EDRF1: variants seen among roughly 807,000 people sequenced by gnomAD.
EDRF1 encodes erythroid differentiation regulatory factor 1.
A neutral mutation model predicts 148.7 loss-of-function variants in EDRF1; 69 were observed. That is an observed-to-expected ratio of 0.46 (90% confidence interval 0.38 to 0.57). EDRF1 has a LOEUF of 0.57. Ranked by LOEUF, EDRF1 falls within the 20% of genes least tolerant of loss-of-function variation. The pLI is 0.00. For synonymous variants in EDRF1, 515 were observed against 532.8 expected (o/e 0.97, Z 0.46); for missense variants, 1,118 against 1,478.7 (o/e 0.76, Z 4.00).
chr10:125,733,171 A>G (rs772570882), intron 9 of EDRF1, among the ~76,000 whole-genome samples: 1 of 152,196 alleles, frequency 6.6e-6, no homozygotes, highest in African/African-American at 2.4e-5. Flanking sequence ...TAAATCTGGT[A>G]GTGATTCTCC....
intron 13 of EDRF1, 58 bp from the exon 14 acceptor site, chr10:125,737,860 A>G (rs1306443515): frequency 1.3e-6 from 2 of 1,505,584 alleles, no homozygotes; most frequent in Non-Finnish European, 1.8e-6. Context: ...CAACAAAAAC[A>G]ATATGTTGAC....
At chr10:125,738,804 C>T (rs1029734218) in intron 15 of EDRF1, among the ~76,000 whole-genome samples, 2 of 152,164 alleles carry the variant, frequency 1.3e-5, no homozygotes, top group African/African-American at 2.4e-5. Context: ...TTCTTTGAGT[C>T]ACTTTTTATC....
intron 20 of EDRF1, 26 bp downstream of exon 20, chr10:125,747,720 A>G: frequency 6.2e-7 from 1 of 1,613,702 alleles, no homozygotes; most frequent in Non-Finnish European, 8.5e-7. Context: ...GGAGTATAAA[A>G]TAAGTTCTCA....
rs1305572469 is a variant in EDRF1 at position 125,736,000 on chromosome 10, AC to A, written c.1758+98del. On this transcript the variant is annotated intron_variant, in intron 13 of 24. Coordinates refer to ENST00000356792, the MANE Select transcript of EDRF1 (RefSeq NM_001202438.2). Reference sequence around the variant, plus strand: ...TCAAAAGATACCATTACTTCAATAAACCTTTCATGGTCTAGCATCTAGTAAT... The same window carrying A: ...TCAAAAGATACCATTACTTCAATAAACTTTCATGGTCTAGCATCTAGTAAT... 24 of 1,168,718 alleles carry A rather than the reference AC, an allele frequency of 2.1e-5. No individual in the cohort carries two copies. In the Admixed American group the frequency reaches 4.6e-4, roughly 23 times the overall value. 72.4% of individuals were successfully genotyped at this position (1,168,718 alleles called of 1,614,324 possible).
intron 17 of EDRF1, 58 bp from the exon 18 acceptor site, chr10:125,743,000 A>G: frequency 1.3e-6 from 2 of 1,594,648 alleles, no homozygotes; most frequent in Non-Finnish European, 8.5e-7. Flanking sequence ...GTTCATTTGG[A>G]TACTGAGGAA....
At position 125,734,144 on chromosome 10, in the gene EDRF1, T is replaced by G. The variant is rs761913215; in HGVS notation, c.1458T>G (p.Leu486=). 6.2e-7 allele frequency: 1 copy of G among 1,613,130 alleles called. No homozygotes were observed. Among genetic ancestry groups the G allele is most frequent in the Non-Finnish European group, 8.5e-7 (1 of 1,179,200 alleles). Residue 486 remains leucine, a synonymous_variant, in exon 12 of 25, where the codon CTT becomes CTG. Coordinates refer to ENST00000356792, the MANE Select transcript of EDRF1 (RefSeq NM_001202438.2). ...ATGGAACTATTAGAACATTGCTTCT[T>G]AATTGTCTGAAATTACTGGACAAAA... ...KHYGTIRTLL[L]NCLKLLDKSR... is the part of the protein sequence containing the mutation.
At chr10:125,761,134 A>C (rs566281130) in intron 24 of EDRF1, 1 of 303,066 alleles carries the variant, frequency 3.3e-6, no homozygotes, top group Admixed American at 4.8e-5. Flanking sequence ...AACAAGGCTT[A>C]ATAATTAAAA....
chr10:125,746,096 A>C (rs763247345), intron 19 of EDRF1, among the ~76,000 whole-genome samples, 166 bp downstream of exon 19: 8 of 152,232 alleles, frequency 5.3e-5, no homozygotes, highest in Non-Finnish European at 1.0e-4. Context: ...TAAGACTAGT[A>C]AGAATTGAGT....
chr10:125,724,481 G>C (rs924345473), intron 4 of EDRF1, among the ~76,000 whole-genome samples: 1 of 152,170 alleles, frequency 6.6e-6, no homozygotes, highest in Admixed American at 6.5e-5. Flanking sequence ...TAGCCTGGGA[G>C]CAATAGGCTA....
chr10:125,733,164 A>G (rs936582376), intron 9 of EDRF1, among the ~76,000 whole-genome samples: 5 of 152,172 alleles, frequency 3.3e-5, no homozygotes, highest in African/African-American at 1.2e-4. Flanking sequence ...GAGGTTCTAA[A>G]TCTGGTAGTG....
intron 22 of EDRF1, among the ~76,000 whole-genome samples, chr10:125,750,967 T>C (rs1839214255): frequency 6.6e-6 from 1 of 152,186 alleles, no homozygotes; most frequent in Non-Finnish European, 1.5e-5. Context: ...TTGTTTTGTT[T>C]TGTTTGAGAC....
chr10:125,729,548 T>C (rs1848406544), intron 8 of EDRF1, 69 bp downstream of exon 8: 2 of 1,593,910 alleles, frequency 1.3e-6, no homozygotes, highest in East Asian at 4.5e-5. Context: ...CAGTGTTCCA[T>C]CAGACTGAGG....
In EDRF1 at chr10:125,740,888, T is replaced by C. The variant is rs1310240455; in HGVS notation, c.2171-113T>C. ...ATTGTTGGACCTAAAATAAACAGAA[T>C]AGATACAGTGCTACAAAGCGTTCAG... On this transcript the variant is annotated intron_variant, in intron 16 of 24. Coordinates refer to ENST00000356792, the MANE Select transcript of EDRF1 (RefSeq NM_001202438.2). The C allele has an allele frequency of 1.3e-5, 16 of 1,210,746 alleles. No homozygotes were observed. The East Asian group carries it at 2.6e-4, about 19-fold the overall frequency. 75.0% of individuals were successfully genotyped at this position (1,210,746 alleles called of 1,614,324 possible).
chr10:125,749,837 T>C (rs1849550757), intron 22 of EDRF1: 1 of 436,286 alleles, frequency 2.3e-6, no homozygotes, highest in African/African-American at 2.0e-5. Flanking sequence ...CAAATAAATT[T>C]AGACAGTTAA....
At chr10:125,721,540 G>T (rs1848004091) in intron 2 of EDRF1, 128 bp downstream of exon 2, 1 of 909,340 alleles carries the variant, frequency 1.1e-6, no homozygotes, top group Non-Finnish European at 1.7e-6. Flanking sequence ...GATCACATTT[G>T]ATTTTCAAAG....
In EDRF1 at chr10:125,733,651, A is replaced by G; in HGVS notation, c.1293A>G (p.Ile431Met). ...YWLFKASGSD[I>M]VKLYDLTTLC... is the part of the protein sequence containing the mutation. Reference sequence around the variant, plus strand: ...TCTTTTCAGCAAGTGGCAGCGATATAGTGAAGCTCTATGACCTCACTACTC... The same window carrying G: ...TCTTTTCAGCAAGTGGCAGCGATATGGTGAAGCTCTATGACCTCACTACTC... Residue 431 changes from isoleucine (I) to methionine (M), a missense_variant, in exon 11 of 25, where the codon ATA becomes ATG. Physicochemically the swap from Ile to Met is conservative, Grantham distance 10 (BLOSUM62 1). This residue lies in a region of EDRF1 where 954 missense variants were observed against 1,241.4 expected (regional missense o/e 0.77). Transcript: ENST00000356792. 1 of 1,613,604 alleles carries G rather than the reference A, an allele frequency of 6.2e-7. No homozygotes were observed. Among genetic ancestry groups the G allele is most frequent in the Non-Finnish European group, 8.5e-7 (1 of 1,179,604 alleles).
intron 24 of EDRF1, among the ~76,000 whole-genome samples, chr10:125,758,229 A>G (rs763116022): frequency 5.3e-5 from 8 of 152,172 alleles, no homozygotes; most frequent in East Asian, 1.9e-4. Context: ...GAAATCACCA[A>G]TCTGACCTTG....
intron 24 of EDRF1, 143 bp downstream of exon 24, chr10:125,753,988 G>A (rs1849767631): frequency 1.2e-6 from 1 of 845,714 alleles, no homozygotes; most frequent in South Asian, 1.6e-5. Flanking sequence ...GGCCAAGGCA[G>A]GCAGATCACT....
At chr10:125,755,993 T>G (rs993270594) in intron 24 of EDRF1, among the ~76,000 whole-genome samples, 6 of 152,150 alleles carry the variant, frequency 3.9e-5, no homozygotes, top group African/African-American at 1.2e-4. Flanking sequence ...CTACTTGTTT[T>G]GGACTTAATT....
Sources: allele counts gnomAD v4.1 joint callset (sites outside exome capture counted in the v4.1 genomes callset), GRCh38; gene constraint gnomAD v4.1.1; regional missense constraint gnomAD v4.1.1; transcripts MANE v1.5; gene names NCBI Gene and HGNC (gene_info 2026-07-23, HGNC 2026-07-21).